Variants in DACH2 observed in about 807,000 individuals in gnomAD.
DACH2 encodes the protein dachshund family transcription factor 2.
Under a neutral mutation model 35.8 loss-of-function variants are expected in DACH2, and 17 were observed. That is an observed-to-expected ratio of 0.48 (90% CI 0.33 to 0.71). DACH2 has a LOEUF of 0.71. Among genes scored for constraint, DACH2 ranks in the 30% least tolerant of loss-of-function variants. The pLI, the probability that DACH2 is intolerant of heterozygous loss-of-function variation, is 0.02. For synonymous variants in DACH2, 195 were observed against 177.3 expected (o/e 1.10, Z -0.79); for missense variants, 469 against 472.7 (o/e 0.99, Z 0.07).
intron 1 of DACH2, among the ~76,000 whole-genome samples, chrX:86,218,780 A>G (rs931592634): frequency 1.8e-5 from 2 of 112,060 alleles, no homozygotes; most frequent in Non-Finnish European, 3.8e-5. Flanking sequence ...TTTGTATTCT[A>G]CAATATATAG....
intron 1 of DACH2, among the ~76,000 whole-genome samples, chrX:86,294,483 G>A (rs1432514306): frequency 9.0e-6 from 1 of 111,064 alleles, no homozygotes; most frequent in Non-Finnish European, 1.9e-5. Flanking sequence ...GCATTCCTTT[G>A]GAGGAGGAGA....
chrX:86,788,076 G>A (rs1299463380), intron 7 of DACH2, among the ~76,000 whole-genome samples: 1 of 110,929 alleles, frequency 9.0e-6, no homozygotes, highest in Non-Finnish European at 1.9e-5. Context: ...CATAGGTAGT[G>A]GCCTGCTAGC....
intron 1 of DACH2, among the ~76,000 whole-genome samples, chrX:86,373,850 A>G (rs2035925942): frequency 8.9e-6 from 1 of 111,755 alleles, no homozygotes; most frequent in South Asian, 3.7e-4. Flanking sequence ...GATAATTCCA[A>G]AACTTGACTG....
chrX:86,197,049 TA>T (rs2032010442), intron 1 of DACH2, among the ~76,000 whole-genome samples: 2 of 111,880 alleles, frequency 1.8e-5, no homozygotes, highest in Admixed American at 9.5e-5. Flanking sequence ...CCTGTCAAAC[TA>T]ACAGCAGACC....
At chrX:86,517,213 T>C (rs1243194548) in intron 3 of DACH2, among the ~76,000 whole-genome samples, 1 of 111,606 alleles carries the variant, frequency 9.0e-6, no homozygotes, top group South Asian at 3.7e-4. Flanking sequence ...CTCGTCAGCA[T>C]GTTTTTTGAC....
intron 1 of DACH2, among the ~76,000 whole-genome samples, chrX:86,185,543 A>C (rs1273123222): frequency 9.0e-6 from 1 of 110,951 alleles, no homozygotes; most frequent in Non-Finnish European, 1.9e-5. Flanking sequence ...TACATGCTTT[A>C]CCTTCTGGCC....
At chrX:86,486,637 T>A (rs749560983) in intron 2 of DACH2, among the ~76,000 whole-genome samples, 1 of 111,518 alleles carries the variant, frequency 9.0e-6, no homozygotes, top group Non-Finnish European at 1.9e-5. Flanking sequence ...TTCTGTTTAT[T>A]AGAAATTAAA....
intron 3 of DACH2, among the ~76,000 whole-genome samples, chrX:86,562,611 A>T (rs1405675394): frequency 1.8e-5 from 2 of 111,827 alleles, no homozygotes; most frequent in African/African-American, 6.5e-5. Flanking sequence ...TCACCAAATT[A>T]AGGTTTTCTC....
intron 7 of DACH2, among the ~76,000 whole-genome samples, chrX:86,764,779 A>G (rs1466124574): frequency 1.8e-5 from 2 of 111,716 alleles, no homozygotes; most frequent in Non-Finnish European, 3.8e-5. Flanking sequence ...TGGTAGTTCT[A>G]TTTTTAGTTC....
rs767201299 is a variant in DACH2 at position 86,794,195 on chromosome X, C to T, written c.1241-18661C>T. On this transcript the variant is annotated intron_variant, in intron 7 of 11. Coordinates refer to ENST00000373125, the MANE Select transcript of DACH2 (RefSeq NM_053281.3). ...CTCCCTACATGCATTCTCTATAAACCTTGTATCTGCTTGGACACAAACAGT... is the reference window on the plus strand; with the variant it reads ...CTCCCTACATGCATTCTCTATAAACTTTGTATCTGCTTGGACACAAACAGT... Among the ~76,000 whole-genome samples the T allele has an allele frequency of 2.7e-5, 3 of 110,378 alleles. No homozygotes were observed. The South Asian group carries it at 1.1e-3, about 42-fold the overall frequency.
intron 1 of DACH2, among the ~76,000 whole-genome samples, chrX:86,168,866 T>C (rs2031032988): frequency 9.0e-6 from 1 of 111,429 alleles, no homozygotes; most frequent in African/African-American, 3.3e-5. Flanking sequence ...TGTCTTGAAA[T>C]GTTGTGTTAT....
At chrX:86,497,074 G>T (rs1367712461) in intron 2 of DACH2, among the ~76,000 whole-genome samples, 1 of 112,033 alleles carries the variant, frequency 8.9e-6, no homozygotes, top group Non-Finnish European at 1.9e-5. Context: ...TCTTACCAAG[G>T]TCTGAGATAG....
At chrX:86,780,518 T>C (rs1249484500) in intron 7 of DACH2, among the ~76,000 whole-genome samples, 1 of 111,874 alleles carries the variant, frequency 8.9e-6, no homozygotes, top group Non-Finnish European at 1.9e-5. Flanking sequence ...GCTGGAAAAT[T>C]TACAACAATA....
chrX:86,198,788 A>G (rs1362589965), intron 1 of DACH2, among the ~76,000 whole-genome samples: 1 of 110,880 alleles, frequency 9.0e-6, no homozygotes, highest in African/African-American at 3.3e-5. Flanking sequence ...CTACCAGCCA[A>G]TAAAAGCCCA....
chrX:86,472,963 C>T (rs763483837), intron 2 of DACH2, among the ~76,000 whole-genome samples: 5 of 111,515 alleles, frequency 4.5e-5, no homozygotes, highest in Admixed American at 9.5e-5. Flanking sequence ...GACATTAAAA[C>T]TCTCCCTTTC....
intron 1 of DACH2, among the ~76,000 whole-genome samples, chrX:86,261,576 A>G (rs2033625978): frequency 8.9e-6 from 1 of 111,965 alleles, no homozygotes; most frequent in Non-Finnish European, 1.9e-5. Flanking sequence ...TTCACAGCAA[A>G]AAATGTAATG....
chrX:86,386,188 G>T (rs1209779162), intron 2 of DACH2, among the ~76,000 whole-genome samples: 1 of 111,513 alleles, frequency 9.0e-6, no homozygotes, highest in African/African-American at 3.3e-5. Context: ...CAATGACCTT[G>T]ATAGTTTTGA....
intron 1 of DACH2, among the ~76,000 whole-genome samples, chrX:86,328,828 G>T (rs2035161708): frequency 9.0e-6 from 1 of 111,586 alleles, no homozygotes; most frequent in South Asian, 3.8e-4. Flanking sequence ...ATCTGAAAAG[G>T]TTGAGTGAAT....
chrX:86,705,002 C>G (rs1437052211), intron 5 of DACH2, among the ~76,000 whole-genome samples: 1 of 67,219 alleles, frequency 1.5e-5, no homozygotes, highest in Non-Finnish European at 2.9e-5. Context: ...AAATACTCAT[C>G]AATCAACAAG....
Sources: gnomAD v4.1 joint callset for allele counts (sites outside exome capture counted in the v4.1 genomes callset) on GRCh38, gnomAD v4.1.1 for gene constraint, MANE v1.5 for transcripts, NCBI Gene and HGNC (gene_info 2026-07-23, HGNC 2026-07-21) for gene names.